The following ZDHHC9 variants were observed in gnomAD, a reference collection of about 807,000 sequenced individuals.
ZDHHC9 encodes zDHHC palmitoyltransferase 9.
ZDHHC9 carries 3 observed loss-of-function variants against 26.6 expected under a neutral mutation model. The observed-to-expected ratio is 0.11, with a 90% CI of 0.05 to 0.29. The LOEUF (loss-of-function observed/expected upper bound fraction) is 0.29, where lower values mean the gene tolerates loss of function less well. Among genes scored for constraint, ZDHHC9 ranks in the 10% least tolerant of loss-of-function variants. The probability of loss-of-function intolerance (pLI) is 1.00; values close to 1 mark genes in which losing one functional copy is unlikely to be tolerated. For missense variants in ZDHHC9, 146 were observed against 296.4 expected (o/e 0.49, Z 3.73); for synonymous variants, 111 against 109.4 (o/e 1.01, Z -0.09).
chrX:129,809,719 T>G (rs1927592581), intron 10 of ZDHHC9, among the ~76,000 whole-genome samples: 1 of 111,879 alleles, frequency 8.9e-6, no homozygotes. Context: ...TAGGGATCAG[T>G]TGGGCGCAGT....
chrX:129,824,095 G>C (rs184681710), intron 4 of ZDHHC9, among the ~76,000 whole-genome samples: 1 of 111,049 alleles, frequency 9.0e-6, no homozygotes, highest in Non-Finnish European at 1.9e-5. Flanking sequence ...TAAAAAAATA[G>C]CTAAAAATAC....
intron 3 of ZDHHC9, among the ~76,000 whole-genome samples, chrX:129,832,122 ACAT>A (rs1321014649): frequency 3.9e-5 from 4 of 101,298 alleles, no homozygotes; most frequent in African/African-American, 1.2e-4. Flanking sequence ...ATGTATCAAA[ACAT>A]CATATTGTAT....
chrX:129,811,581 AAC>A, intron 8 of ZDHHC9, 72 bp from the exon 9 acceptor site: 1 of 837,603 alleles, frequency 1.2e-6, no homozygotes, highest in Non-Finnish European at 1.7e-6. Context: ...TAAAATTAAA[AAC>A]AGACACAAAA....
intron 4 of ZDHHC9, among the ~76,000 whole-genome samples, chrX:129,827,214 G>C: frequency 1.2e-5 from 1 of 83,970 alleles, no homozygotes; most frequent in African/African-American, 4.5e-5. Context: ...AGAAAGGAAG[G>C]AAAAATAAAA....
chrX:129,807,782 G>A (rs765876871), intron 10 of ZDHHC9, among the ~76,000 whole-genome samples: 16 of 112,132 alleles, frequency 1.4e-4, no homozygotes, highest in African/African-American at 2.9e-4. Context: ...TGGCGCTGCC[G>A]CACTCCAGCC....
rs764364771 is a variant in ZDHHC9 at position 129,808,233 on chromosome X, G to A, written c.979-1747C>T. ...GACAAGTTGATCCTAAGATTCATAC[G>A]GAAATTTAAGGCACCCAGAAGAGCC... On this transcript the variant is annotated intron_variant, in intron 10 of 10. Coordinates refer to ENST00000357166, the MANE Select transcript of ZDHHC9 (RefSeq NM_016032.4). Among the ~76,000 whole-genome samples the A allele has an allele frequency of 1.5e-4, 17 of 111,690 alleles. 1 individual carries two copies. The South Asian group carries it at 6.4e-3, about 42-fold the overall frequency.
At chrX:129,832,784 A>AAAATAAATAAAT (rs58029912) in intron 3 of ZDHHC9, among the ~76,000 whole-genome samples, 3,413 of 100,210 alleles carry the variant, frequency 0.034, 206 homozygotes, top group African/African-American at 0.12. Context: ...CTCCGTCTCA[A>AAAATAAATAAAT]AAATAAATAA....
intron 5 of ZDHHC9, among the ~76,000 whole-genome samples, chrX:129,820,952 G>A (rs1207364189): frequency 1.8e-5 from 2 of 110,271 alleles, no homozygotes; most frequent in Admixed American, 9.7e-5. Flanking sequence ...AACAGGCCCC[G>A]GTGTGTGTTG....
intron 3 of ZDHHC9, among the ~76,000 whole-genome samples, chrX:129,837,458 C>A (rs912054971): frequency 3.6e-5 from 4 of 112,281 alleles, no homozygotes; most frequent in Non-Finnish European, 7.5e-5. Context: ...AAGAAAGACT[C>A]AAGAAAGAAT....
intron 5 of ZDHHC9, among the ~76,000 whole-genome samples, chrX:129,822,664 A>G (rs1490233515): frequency 9.0e-6 from 1 of 111,482 alleles, no homozygotes. Context: ...TAAAAATCTT[A>G]TATACATATA....
chrX:129,806,356 C>T lies in ZDHHC9; in HGVS notation c.*14G>A. On this transcript the variant is annotated 3_prime_UTR_variant, in exon 11 of 11. Coordinates refer to ENST00000357166, the MANE Select transcript of ZDHHC9 (RefSeq NM_016032.4). ...CCTAATTAAACACAAACAAAAGTCT[C>T]TTCCATAGATAGGCTACTTCTCAGC... The T allele has an allele frequency of 1.7e-6, 2 of 1,193,378 alleles. No homozygotes were observed. Among genetic ancestry groups the T allele is most frequent in the African/African-American group, 1.7e-5 (1 of 57,467 alleles).
At chrX:129,809,334 A>AT (rs1927584444) in intron 10 of ZDHHC9, among the ~76,000 whole-genome samples, 2 of 112,560 alleles carry the variant, frequency 1.8e-5, no homozygotes, top group East Asian at 2.8e-4. Context: ...CAACTGATGA[A>AT]TGGATAAATG....
At chrX:129,823,362 A>G (rs1162962832) in intron 5 of ZDHHC9, 7 of 280,298 alleles carry the variant, frequency 2.5e-5, no homozygotes, top group African/African-American at 5.5e-5. Flanking sequence ...TCCTCCCACT[A>G]TGTAAGGTGG....
intron 5 of ZDHHC9, chrX:129,823,363 T>C (rs1406462279): frequency 1.0e-5 from 3 of 285,871 alleles, no homozygotes; most frequent in Non-Finnish European, 1.9e-5. Flanking sequence ...CCTCCCACTA[T>C]GTAAGGTGGG....
chrX:129,806,129 G>A lies in ZDHHC9; in HGVS notation c.*241C>T, dbSNP rs1927510453. ...GAGGCCATGGAGAACCAGTGCCAGG[G>A]CCCAAGAGACCCATTTTTCCAGTTA... On this transcript the variant is annotated 3_prime_UTR_variant, in exon 11 of 11. Transcript: ENST00000357166. 2.5e-6 allele frequency: 1 copy of A among 399,559 alleles called. No individual in the cohort carries two copies. The highest frequency in any genetic ancestry group is 4.4e-6 in the Non-Finnish European group (1 of 227,268). The allele number at this position is 399,559 out of a possible 1,213,427, so 32.9% of individuals were successfully genotyped here. A position where few individuals can be genotyped will look rare whatever the true frequency, so the allele number is the denominator to read the frequency against.
At chrX:129,812,209 G>A (rs1208419985) in intron 8 of ZDHHC9, among the ~76,000 whole-genome samples, 1 of 109,852 alleles carries the variant, frequency 9.1e-6, no homozygotes, top group African/African-American at 3.3e-5. Context: ...TCAGCCTCCC[G>A]AGTAGCTGGG....
rs190636905 is a variant in ZDHHC9, at chrX:129,810,571, C to T, written c.978+334G>A. ...ATTTTATGCTTTCCTCATCAAGGCA[C>T]TTTTCACAATGTTGAGCAATGGCCT... On this transcript the variant is annotated intron_variant, in intron 10 of 10. Coordinates refer to ENST00000357166, the MANE Select transcript of ZDHHC9 (RefSeq NM_016032.4). 4.9e-3 allele frequency among the ~76,000 whole-genome samples: 544 copies of T among 111,183 alleles called. 3 individuals carry two copies. The highest frequency in any genetic ancestry group is 0.017 in the African/African-American group (511 of 30,531).
chrX:129,840,264 T>C (rs2298026), intron 3 of ZDHHC9, among the ~76,000 whole-genome samples: 3,745 of 106,078 alleles, frequency 0.035, 152 homozygotes, highest in East Asian at 0.2. Context: ...TTTGGAATAG[T>C]TGTAATAAAA....
intron 3 of ZDHHC9, among the ~76,000 whole-genome samples, chrX:129,838,393 C>T (rs1928306120): frequency 8.9e-6 from 1 of 111,872 alleles, no homozygotes; most frequent in African/African-American, 3.2e-5. Flanking sequence ...TCTAACAGGC[C>T]GGGCGCAGTG....
Sources: allele counts gnomAD v4.1 joint callset (sites outside exome capture counted in the v4.1 genomes callset), GRCh38; gene constraint gnomAD v4.1.1; transcripts MANE v1.5; gene names NCBI Gene and HGNC (gene_info 2026-07-23, HGNC 2026-07-21).